Variants in ATP11B observed in about 807,000 individuals in gnomAD.
ATP11B encodes the protein ATPase phospholipid transporting 11B (putative), also known as phospholipid-transporting ATPase IF.
In ATP11B, 81 loss-of-function variants were observed where a neutral mutation model predicts 157.8. The ratio of observed to expected loss-of-function variants is 0.51; its 90% CI spans 0.43 to 0.62. ATP11B has a LOEUF of 0.62. Ranked by LOEUF, ATP11B falls within the 20% of genes least tolerant of loss-of-function variation. The pLI, the probability that ATP11B is intolerant of heterozygous loss-of-function variation, is 0.00. For missense variants in ATP11B, 1,165 were observed against 1,402.2 expected (o/e 0.83, Z 2.70); for synonymous variants, 451 against 469.4 (o/e 0.96, Z 0.51).
At chr3:182,820,041 A>T (rs79910998) in intron 1 of ATP11B, among the ~76,000 whole-genome samples, 2 of 152,298 alleles carry the variant, frequency 1.3e-5, no homozygotes, top group East Asian at 3.9e-4. Context: ...GAAAGAAAAA[A>T]AAATAGTAAA....
At chr3:182,833,331 C>T (rs886909000) in intron 4 of ATP11B, among the ~76,000 whole-genome samples, 1 of 151,906 alleles carries the variant, frequency 6.6e-6, no homozygotes, top group African/African-American at 2.4e-5. Flanking sequence ...GGCCTATGTC[C>T]TTAATTTTAT....
chr3:182,851,034 C>G (rs561829004), intron 10 of ATP11B, among the ~76,000 whole-genome samples: 37 of 152,200 alleles, frequency 2.4e-4, no homozygotes, highest in Admixed American at 4.6e-4. Context: ...GGCACACACC[C>G]GTAATCCCAG....
intron 25 of ATP11B, among the ~76,000 whole-genome samples, chr3:182,892,960 CTTTG>C (rs1186020013): frequency 6.6e-6 from 1 of 152,120 alleles, no homozygotes; most frequent in Non-Finnish European, 1.5e-5. Context: ...TAATTTTTAA[CTTTG>C]TTTTTTTCCT....
At chr3:182,828,808 C>G (rs1206017799) in intron 3 of ATP11B, among the ~76,000 whole-genome samples, 1 of 151,550 alleles carries the variant, frequency 6.6e-6, no homozygotes, top group African/African-American at 2.4e-5. Flanking sequence ...ATCAAGAGAA[C>G]TTGAGTATAA....
Position 182,914,531 on chromosome 3 carries a change from T to C in ATP11B, c.3452+537T>C, listed in dbSNP as rs1164035906. On this transcript the variant is annotated intron_variant, in intron 29 of 29. Coordinates refer to ENST00000323116, the MANE Select transcript of ATP11B (RefSeq NM_014616.3). ...ACCTCTTCTTATGTCTGTAATGAAGTTTTGAAATGAGTCATGATTTTTAAG... is the reference window on the plus strand; with the variant it reads ...ACCTCTTCTTATGTCTGTAATGAAGCTTTGAAATGAGTCATGATTTTTAAG... 1.2e-5 allele frequency: 12 copies of C among 985,266 alleles called. No individual in the cohort carries two copies. The Admixed American group carries it at 7.4e-4, about 61-fold the overall frequency. The allele number at this position is 985,266 out of a possible 1,614,324, so 61.0% of individuals were successfully genotyped here. A position where few individuals can be genotyped will look rare whatever the true frequency, so the allele number is the denominator to read the frequency against.
intron 1 of ATP11B, among the ~76,000 whole-genome samples, chr3:182,812,387 A>G (rs780670289): frequency 1.8e-4 from 28 of 152,190 alleles, no homozygotes; most frequent in Non-Finnish European, 3.4e-4. Flanking sequence ...TCCAATCTGG[A>G]TACTGCAGCC....
intron 28 of ATP11B, among the ~76,000 whole-genome samples, chr3:182,912,064 A>C (rs2108595832): frequency 6.6e-6 from 1 of 152,198 alleles, no homozygotes; most frequent in East Asian, 1.9e-4. Flanking sequence ...TCAAGGCTTC[A>C]TGCGGTGTGG....
chr3:182,916,026 A>G (rs1725117915), intron 29 of ATP11B: 15 of 984,730 alleles, frequency 1.5e-5, no homozygotes, highest in African/African-American at 5.2e-5. Flanking sequence ...GTCTTTTCAG[A>G]CCTGTTCATT....
intron 19 of ATP11B, among the ~76,000 whole-genome samples, chr3:182,877,297 T>C (rs996409577): frequency 9.9e-5 from 15 of 152,080 alleles, no homozygotes; most frequent in Admixed American, 2.0e-4. Flanking sequence ...TGGGGCGAAA[T>C]GTTCACTGGA....
intron 27 of ATP11B, among the ~76,000 whole-genome samples, chr3:182,897,717 G>A (rs995488918): frequency 1.3e-5 from 2 of 151,564 alleles, no homozygotes; most frequent in African/African-American, 4.8e-5. Context: ...AACCCCAATT[G>A]TCTTATTTCA....
intron 13 of ATP11B, 139 bp downstream of exon 13, chr3:182,865,837 AT>A (rs1233693252): frequency 2.9e-6 from 2 of 689,510 alleles, no homozygotes; most frequent in African/African-American, 3.6e-5. Flanking sequence ...ATTCAACAAT[AT>A]AAAATATAAT....
intron 4 of ATP11B, 48 bp from the exon 5 acceptor site, chr3:182,835,987 C>T (rs1467421147): frequency 8.2e-6 from 12 of 1,468,984 alleles, no homozygotes; most frequent in Non-Finnish European, 1.0e-5. Context: ...ATAAAAGTAT[C>T]TTCAAATTAT....
intron 28 of ATP11B, among the ~76,000 whole-genome samples, chr3:182,911,278 C>CA (rs1553826127): frequency 8.0e-6 from 1 of 124,682 alleles, no homozygotes; most frequent in African/African-American, 3.2e-5. Flanking sequence ...AATGCCCCCC[C>CA]CCGCTAAGTC....
At chr3:182,828,267 G>T in intron 3 of ATP11B, 58 bp downstream of exon 3, 1 of 848,110 alleles carries the variant, frequency 1.2e-6, no homozygotes. Flanking sequence ...ATATGTCTTG[G>T]AACAAAGAAA....
Position 182,867,379 on chromosome 3 carries a change from T to C in ATP11B, c.1623T>C (p.Ile541=). 1 of 1,599,068 alleles carries C rather than the reference T, an allele frequency of 6.3e-7. No individual in the cohort carries two copies. The highest frequency in any genetic ancestry group is 1.1e-5 in the South Asian group (1 of 90,692). The part of the protein sequence containing the change: ...EKALVEAAAR[I]GIVFIGNSEE... ...TTTTTATCCTTTTGATGTCTAGGAT[T>C]GGTATTGTGTTTATTGGCAATTCTG... is the stretch of plus-strand genomic sequence containing the variant. The change falls in exon 15 of 30, where the codon ATT becomes ATC. Residue 541 remains isoleucine, a synonymous_variant. Coordinates refer to ENST00000323116, the MANE Select transcript of ATP11B (RefSeq NM_014616.3).
chr3:182,906,790 A>G (rs1724390718), intron 28 of ATP11B, among the ~76,000 whole-genome samples: 1 of 149,828 alleles, frequency 6.7e-6, no homozygotes, highest in Non-Finnish European at 1.5e-5. Flanking sequence ...AAAAAAAAAA[A>G]AGAAGAAGAA....
At chr3:182,804,710 A>G (rs1053179622) in intron 1 of ATP11B, among the ~76,000 whole-genome samples, 2 of 152,192 alleles carry the variant, frequency 1.3e-5, no homozygotes, top group Admixed American at 6.5e-5. Context: ...TAGTGTAACC[A>G]TCACCACACT....
intron 1 of ATP11B, among the ~76,000 whole-genome samples, chr3:182,810,130 A>G (rs1218018917): frequency 6.6e-6 from 1 of 152,138 alleles, no homozygotes; most frequent in Non-Finnish European, 1.5e-5. Context: ...TCAGGAGTTC[A>G]AGACCAGCCT....
chr3:182,882,000 A>G (rs1722460206), intron 21 of ATP11B, among the ~76,000 whole-genome samples: 1 of 152,180 alleles, frequency 6.6e-6, no homozygotes, highest in Admixed American at 6.5e-5. Flanking sequence ...ATTTCATTAT[A>G]TTGAATTTAT....
Sources: gnomAD v4.1 joint callset for allele counts (sites outside exome capture counted in the v4.1 genomes callset) on GRCh38, gnomAD v4.1.1 for gene constraint, MANE v1.5 for transcripts, NCBI Gene and HGNC (gene_info 2026-07-23, HGNC 2026-07-21) for gene names.